Variants in TP63 observed in about 807,000 individuals in gnomAD.
TP63 encodes tumor protein 63.
Under a neutral mutation model 82.8 loss-of-function variants are expected in TP63, and 17 were observed. The observed-to-expected ratio is 0.21, with a 90% CI of 0.14 to 0.31. The LOEUF is 0.31. Ranked by LOEUF, TP63 falls within the 10% of genes least tolerant of loss-of-function variation. The pLI is 1.00. For synonymous variants in TP63, 330 were observed against 321.7 expected, an observed-to-expected ratio of 1.03 and a Z score of -0.28; for missense variants, 648 against 895.3, an observed-to-expected ratio of 0.72 and a Z score of 3.52.
At position 189,880,261 on chromosome 3, in the gene TP63, G is replaced by A. The variant is rs1719768798; in HGVS notation, c.1350-6133G>A. ...TGTGTGTGTGTATGTGTGTGCGTGT[G>A]TATCTAGCCCTCATAAACAGGACTT... On this transcript the variant is annotated intron_variant, in intron 10 of 13. Coordinates refer to ENST00000264731, the MANE Select transcript of TP63 (RefSeq NM_003722.5). 4 of 1,476,970 alleles carry A rather than the reference G, an allele frequency of 2.7e-6. No homozygotes were observed. The South Asian group carries it at 4.6e-5, about 17-fold the overall frequency. 91.5% of individuals were successfully genotyped at this position (1,476,970 alleles called of 1,614,324 possible). A position where few individuals can be genotyped will look rare whatever the true frequency, so the allele number is the denominator to read the frequency against.
intron 4 of TP63, among the ~76,000 whole-genome samples, chr3:189,862,427 T>C (rs1295237567): frequency 6.6e-6 from 1 of 152,158 alleles, no homozygotes; most frequent in Non-Finnish European, 1.5e-5. Flanking sequence ...TACTGTACTC[T>C]CTCGAGCTTG....
rs529183925 is a variant in TP63 at position 189,866,882 on chromosome 3, G to A, written c.882+85G>A. 7.4e-6 allele frequency: 8 copies of A among 1,077,384 alleles called. No individual in the cohort carries two copies. The African/African-American group carries it at 1.1e-4, about 15-fold the overall frequency. The allele number at this position is 1,077,384 out of a possible 1,614,324, so 66.7% of individuals were successfully genotyped here. ...GAACATCTGTTTCAGCAACAGGGAT[G>A]TTTCTAGCATCTATCACTGTCTTAG... On this transcript the variant is annotated intron_variant, in intron 6 of 13. Coordinates refer to ENST00000264731, the MANE Select transcript of TP63 (RefSeq NM_003722.5).
At chr3:189,640,706 G>C (rs1711774833) in intron 1 of TP63, among the ~76,000 whole-genome samples, 1 of 152,094 alleles carries the variant, frequency 6.6e-6, no homozygotes, top group Non-Finnish European at 1.5e-5. Context: ...GAAGTGGAAA[G>C]CTTGTTTTTC....
rs1175293279 is a variant in TP63, at chr3:189,894,194, C to T, written c.1747-12C>T. The stretch of plus-strand genomic sequence containing the variant: ...GTTTTCATTCTCCATGACACCTTCC[C>T]CTGTTGCACAGGATCTGGCAAGTCT... On this transcript the variant is annotated splice_polypyrimidine_tract_variant and intron_variant, in intron 13 of 13. Coordinates refer to ENST00000264731, the MANE Select transcript of TP63 (RefSeq NM_003722.5). 1 of 1,614,100 alleles carries T rather than the reference C, an allele frequency of 6.2e-7. No individual in the cohort carries two copies. The highest frequency in any genetic ancestry group is 1.1e-5 in the South Asian group (1 of 91,076).
At chr3:189,879,961 C>G in intron 10 of TP63, 2 of 1,466,578 alleles carry the variant, frequency 1.4e-6, no homozygotes, top group South Asian at 1.5e-5. Context: ...TCTGTCTATA[C>G]TATGATCATG....
intron 1 of TP63, among the ~76,000 whole-genome samples, chr3:189,682,553 A>AAATAT (rs1716055397): frequency 1.9e-4 from 2 of 10,374 alleles, no homozygotes; most frequent in African/African-American, 4.3e-4. Flanking sequence ...AAAAAAAAAA[A>AAATAT]ATATATATAT....
intron 1 of TP63, among the ~76,000 whole-genome samples, chr3:189,688,222 T>C (rs1296793465): frequency 6.6e-6 from 1 of 152,188 alleles, no homozygotes; most frequent in Non-Finnish European, 1.5e-5. Flanking sequence ...AGAGATAATA[T>C]TGTCTTCCTC....
At chr3:189,640,936 AAC>A (rs887961183) in intron 1 of TP63, among the ~76,000 whole-genome samples, 19 of 152,190 alleles carry the variant, frequency 1.2e-4, no homozygotes, top group African/African-American at 4.3e-4. Flanking sequence ...CAAAAATATA[AAC>A]ACATAAATAA....
At chr3:189,814,714 G>A (rs1480270631) in intron 4 of TP63, among the ~76,000 whole-genome samples, 1 of 152,164 alleles carries the variant, frequency 6.6e-6, no homozygotes, top group African/African-American at 2.4e-5. Context: ...AATATTCATT[G>A]TAAGGCATGC....
intron 4 of TP63, among the ~76,000 whole-genome samples, chr3:189,859,197 A>C (rs1037792914): frequency 6.6e-6 from 1 of 152,208 alleles, no homozygotes; most frequent in African/African-American, 2.4e-5. Context: ...ATCATTATAC[A>C]ATATAGACAT....
intron 1 of TP63, among the ~76,000 whole-genome samples, chr3:189,686,328 A>T (rs1577239808): frequency 6.6e-6 from 1 of 152,184 alleles, no homozygotes; most frequent in Non-Finnish European, 1.5e-5. Context: ...GCAATAGAAG[A>T]CAGTGAGTGA....
chr3:189,894,630 GAAGT>G lies in TP63; in HGVS notation c.*132_*135del. 1 of 1,159,754 alleles carries G rather than the reference GAAGT, an allele frequency of 8.6e-7. No homozygotes were observed. The highest frequency in any genetic ancestry group is 1.2e-6 in the Non-Finnish European group (1 of 816,400). The allele number at this position is 1,159,754 out of a possible 1,614,324, so 71.8% of individuals were successfully genotyped here. A position where few individuals can be genotyped will look rare whatever the true frequency, so the allele number is the denominator to read the frequency against. On this transcript the variant is annotated 3_prime_UTR_variant, in exon 14 of 14. Transcript: ENST00000264731. ...CTTGTCTGATTTCTTAGGGGAAGGA[GAAGT>G]AAGAGGCTACCTCTTACCTAACATC...
intron 1 of TP63, among the ~76,000 whole-genome samples, chr3:189,675,946 A>ATTATT (rs34625556): frequency 6.6e-6 from 1 of 151,908 alleles, no homozygotes; most frequent in African/African-American, 2.4e-5. Context: ...AGCCAGAAAC[A>ATTATT]CACACATTCA....
intron 1 of TP63, among the ~76,000 whole-genome samples, chr3:189,703,427 A>AATACATAGATAGATAGATAGATAG (rs1553816179): frequency 7.0e-6 from 1 of 143,142 alleles, no homozygotes; most frequent in Non-Finnish European, 1.5e-5. Context: ...CCCTGTCTAA[A>AATACATAGATAGATAGATAGATAG]ATAGATAGAT....
intron 3 of TP63, among the ~76,000 whole-genome samples, chr3:189,759,359 A>T (rs1722404775): frequency 6.6e-6 from 1 of 152,082 alleles, no homozygotes; most frequent in Non-Finnish European, 1.5e-5. Flanking sequence ...ATGGGAGGGG[A>T]CAGAACTCGG....
chr3:189,658,144 G>T (rs1299279141), intron 1 of TP63, among the ~76,000 whole-genome samples: 2 of 151,926 alleles, frequency 1.3e-5, no homozygotes, highest in African/African-American at 4.8e-5. Flanking sequence ...GTGGTACAAA[G>T]GCACCAACTG....
At chr3:189,694,400 T>C (rs992778491) in intron 1 of TP63, among the ~76,000 whole-genome samples, 4 of 152,206 alleles carry the variant, frequency 2.6e-5, no homozygotes, top group African/African-American at 9.6e-5. Context: ...TTCCAAGACC[T>C]TATTCAGAAT....
chr3:189,784,428 A>C (rs1442034229), intron 3 of TP63, among the ~76,000 whole-genome samples: 1 of 152,102 alleles, frequency 6.6e-6, no homozygotes, highest in African/African-American at 2.4e-5. Context: ...CAAAATACAC[A>C]GATTCGGATC....
intron 1 of TP63, among the ~76,000 whole-genome samples, chr3:189,686,461 A>C (rs1716446767): frequency 6.6e-6 from 1 of 152,080 alleles, no homozygotes; most frequent in Non-Finnish European, 1.5e-5. Context: ...TTTGGGGATC[A>C]TGGACCCTCA....
Sources: gnomAD v4.1 joint callset for allele counts (sites outside exome capture counted in the v4.1 genomes callset) on GRCh38, gnomAD v4.1.1 for gene constraint, MANE v1.5 for transcripts, NCBI Gene and HGNC (gene_info 2026-07-23, HGNC 2026-07-21) for gene names.